The following FSHR variants were observed in gnomAD, a reference collection of about 807,000 sequenced individuals.
FSHR encodes the protein follicle stimulating hormone receptor.
FSHR carries 46 observed loss-of-function variants against 52.1 expected under a neutral mutation model. That is an observed-to-expected ratio of 0.88 (90% CI 0.70 to 1.13). FSHR has a LOEUF of 1.13. Among genes scored for constraint, FSHR ranks in the 50% most tolerant of loss-of-function variants. The pLI is 0.00. For missense variants in FSHR, 964 were observed against 834.6 expected, an observed-to-expected ratio of 1.16 and a Z score of -1.91; for synonymous variants, 399 against 309.6, an observed-to-expected ratio of 1.29 and a Z score of -3.03.
At chr2:49,121,796 A>AT (rs5831024) in intron 1 of FSHR, among the ~76,000 whole-genome samples, 25,475 of 150,358 alleles carry the variant, frequency 0.17, 2,117 homozygotes, top group East Asian at 0.24. Flanking sequence ...AATAGCAAAG[A>AT]TTTTTTTTTT....
chr2:48,987,872 C>G (rs886781188), intron 6 of FSHR, among the ~76,000 whole-genome samples: 4 of 136,084 alleles, frequency 2.9e-5, no homozygotes, highest in African/African-American at 1.3e-4. Context: ...ACACACACAC[C>G]CCTTCACTTC....
chr2:49,022,290 AG>A (rs1481985007), intron 2 of FSHR, among the ~76,000 whole-genome samples: 2 of 151,704 alleles, frequency 1.3e-5, no homozygotes, highest in Non-Finnish European at 2.9e-5. Context: ...ATTAGAACAA[AG>A]TAAAGAAACA....
intron 1 of FSHR, among the ~76,000 whole-genome samples, chr2:49,099,084 G>A (rs1670931288): frequency 6.6e-6 from 1 of 151,764 alleles, no homozygotes; most frequent in Non-Finnish European, 1.5e-5. Flanking sequence ...TCTGTGATGG[G>A]TGTCTGTGGT....
At chr2:49,125,655 C>G (rs1454373576) in intron 1 of FSHR, among the ~76,000 whole-genome samples, 2 of 152,222 alleles carry the variant, frequency 1.3e-5, no homozygotes, top group Non-Finnish European at 2.9e-5. Flanking sequence ...TCTCTGCTTT[C>G]TTCTTGCCTT....
chr2:49,110,783 C>T (rs1003469667), intron 1 of FSHR, among the ~76,000 whole-genome samples: 1 of 152,140 alleles, frequency 6.6e-6, no homozygotes, highest in East Asian at 1.9e-4. Context: ...GACAACATTT[C>T]CAGCCCCCTT....
chr2:49,057,263 C>G (rs1431326211), intron 2 of FSHR, among the ~76,000 whole-genome samples: 1 of 151,718 alleles, frequency 6.6e-6, no homozygotes, highest in Non-Finnish European at 1.5e-5. Flanking sequence ...AATGAACAAA[C>G]CATTAGCTAG....
At chr2:49,020,036 G>A (rs758319261) in intron 3 of FSHR, 50 bp downstream of exon 3, 5 of 1,476,516 alleles carry the variant, frequency 3.4e-6, no homozygotes, top group Non-Finnish European at 4.7e-6. Context: ...AGAACTTTAA[G>A]GGTTTTTTCA....
chr2:49,026,958 C>A (rs1000806556), intron 2 of FSHR, among the ~76,000 whole-genome samples: 13 of 152,180 alleles, frequency 8.5e-5, no homozygotes, highest in Admixed American at 2.0e-4. Flanking sequence ...TCTGTAACAA[C>A]CTGAGGGATA....
intron 1 of FSHR, among the ~76,000 whole-genome samples, chr2:49,142,213 G>T (rs1430883403): frequency 6.6e-6 from 1 of 152,116 alleles, no homozygotes; most frequent in East Asian, 1.9e-4. Context: ...TAGTGGTGGG[G>T]AGGAAAGTAA....
intron 2 of FSHR, among the ~76,000 whole-genome samples, chr2:49,035,691 C>G (rs1388391774): frequency 6.6e-6 from 1 of 152,228 alleles, no homozygotes. Flanking sequence ...TATTTTGGCT[C>G]TCTCAGGAAT....
chr2:49,095,716 G>A (rs956779112), intron 1 of FSHR, among the ~76,000 whole-genome samples: 2 of 152,130 alleles, frequency 1.3e-5, no homozygotes, highest in Non-Finnish European at 2.9e-5. Context: ...TGCAAATCAT[G>A]TATCTGAGAA....
chr2:49,083,617 A>G (rs1670259662), intron 1 of FSHR, among the ~76,000 whole-genome samples: 1 of 149,836 alleles, frequency 6.7e-6, no homozygotes, highest in Non-Finnish European at 1.5e-5. Context: ...GTGCAGAGAC[A>G]CACATAGGCT....
intron 1 of FSHR, among the ~76,000 whole-genome samples, chr2:49,146,095 T>C (rs1672858548): frequency 6.6e-6 from 1 of 151,978 alleles, no homozygotes. Context: ...TGGGCATGTG[T>C]ACCCACAGAG....
At chr2:48,982,454 C>T (rs1675294637) in intron 8 of FSHR, among the ~76,000 whole-genome samples, 1 of 152,260 alleles carries the variant, frequency 6.6e-6, no homozygotes, top group African/African-American at 2.4e-5. Context: ...GAGAATTGTG[C>T]TTTCCTTTCC....
chr2:49,041,339 C>G (rs12052281), intron 2 of FSHR, among the ~76,000 whole-genome samples: 21,916 of 152,156 alleles, frequency 0.14, 1,573 homozygotes, highest in Middle Eastern at 0.23. Flanking sequence ...CACGCCTTTG[C>G]TGTTTCTGAA....
Position 48,962,730 on chromosome 2 carries a change from GTT to G in FSHR, c.*1_*2del. 6.2e-7 allele frequency: 1 copy of G among 1,612,664 alleles called. No homozygotes were observed. The highest frequency in any genetic ancestry group is 1.7e-4 in the Middle Eastern group (1 of 6,056). ...ATACTCAGATACATTTTCACATTGT[GTT>G]TTAGTTTTGGGCTAAATGACTTAGA... On this transcript the variant is annotated 3_prime_UTR_variant, in exon 10 of 10. Transcript: ENST00000406846.
At chr2:49,029,868 C>A (rs1456077365) in intron 2 of FSHR, among the ~76,000 whole-genome samples, 1 of 152,076 alleles carries the variant, frequency 6.6e-6, no homozygotes, top group East Asian at 1.9e-4. Context: ...CCCTGCTAGC[C>A]CTGGAATTCT....
chr2:49,005,669 T>G (rs143270176), intron 4 of FSHR, among the ~76,000 whole-genome samples: 166 of 152,288 alleles, frequency 1.1e-3, no homozygotes, highest in African/African-American at 3.9e-3. Flanking sequence ...GATGGATGTC[T>G]GACCCAGAGA....
chr2:49,058,389 T>C (rs1045451665), intron 2 of FSHR, among the ~76,000 whole-genome samples: 10 of 151,498 alleles, frequency 6.6e-5, no homozygotes, highest in African/African-American at 2.4e-5. Context: ...TCTACTAAAA[T>C]ACAAAAAATT....
Sources: gnomAD v4.1 joint callset for allele counts (sites outside exome capture counted in the v4.1 genomes callset) on GRCh38, gnomAD v4.1.1 for gene constraint, MANE v1.5 for transcripts, NCBI Gene and HGNC (gene_info 2026-07-23, HGNC 2026-07-21) for gene names.